ZNF841: variants seen among roughly 807,000 people sequenced by gnomAD.
ZNF841 encodes TCONS_00006091.
ZNF841 carries 11 observed loss-of-function variants against 13.0 expected under a neutral mutation model. That is an observed-to-expected ratio of 0.85 (90% CI 0.53 to 1.40). The LOEUF (loss-of-function observed/expected upper bound fraction) is 1.40. Among genes scored for constraint, ZNF841 ranks in the 40% most tolerant of loss-of-function variants. ZNF841 has a pLI of 0.00. For synonymous variants in ZNF841, 369 were observed against 381.6 expected (o/e 0.97, Z 0.38); for missense variants, 1,068 against 1,139.5 (o/e 0.94, Z 0.90).
intron 4 of ZNF841, among the ~76,000 whole-genome samples, chr19:52,082,586 C>A (rs2088135835): frequency 6.6e-6 from 1 of 152,092 alleles, no homozygotes; most frequent in South Asian, 2.1e-4. Context: ...TTGTGGTATA[C>A]CATCCTAAAA....
intron 6 of ZNF841, 52 bp downstream of exon 6, chr19:52,075,992 T>TA (rs2087886057): frequency 6.5e-7 from 1 of 1,546,714 alleles, no homozygotes; most frequent in Non-Finnish European, 8.7e-7. Context: ...TGCAGAGTCT[T>TA]ACGCACACAA....
chr19:52,060,316 G>A (rs186771469), downstream of ZNF841, among the ~76,000 whole-genome samples: 347 of 152,230 alleles, frequency 2.3e-3, no homozygotes, highest in African/African-American at 8.2e-3. Flanking sequence ...TACATACAGG[G>A]AAATCTTCCT....
chr19:52,072,150 T>C (rs1156734224), intron 6 of ZNF841, among the ~76,000 whole-genome samples: 4 of 152,150 alleles, frequency 2.6e-5, no homozygotes, highest in East Asian at 1.9e-4. Context: ...TAGGAGGATA[T>C]AACAATATGT....
Position 52,067,389 on chromosome 19 carries a change from C to A in ZNF841, c.493G>T (p.Gly165Cys). The part of the protein sequence containing the change: ...GPMTHKNNLT[G>C]QRVRHSQGDV... ...CCTTGACTATGTCGAACTCTTTGACCAGTAAGATTGTTTTTATGGGTCATC... is the reference window on the plus strand; with the variant it reads ...CCTTGACTATGTCGAACTCTTTGACAAGTAAGATTGTTTTTATGGGTCATC... The change falls in exon 7 of 7, where the codon GGT becomes TGT. Residue 165 changes from glycine to cysteine, a missense_variant. By Grantham distance (159) the Gly-to-Cys change is radical (BLOSUM62 -3). Coordinates refer to ENST00000594440, the MANE Select transcript of ZNF841 (RefSeq NM_001136499.2). The A allele has an allele frequency of 6.5e-7, 1 of 1,546,404 alleles. No individual in the cohort carries two copies. Among genetic ancestry groups the A allele is most frequent in the Non-Finnish European group, 8.7e-7 (1 of 1,144,992 alleles).
In ZNF841 at chr19:52,066,634, G is replaced by C; in HGVS notation, c.1248C>G (p.Leu416=). Residue 416 remains leucine (L), a synonymous_variant, in exon 7 of 7, where the codon CTC becomes CTG. Coordinates refer to ENST00000594440, the MANE Select transcript of ZNF841 (RefSeq NM_001136499.2). ...CGKTFKRNSS[L]TAHHIIHAGK... is the part of the protein sequence containing the mutation. ...CTGCATGGATTATATGATGTGCAGT[G>C]AGGCTTGAGTTCCGTTTAAAGGTTT... 6.2e-7 allele frequency: 1 copy of C among 1,613,142 alleles called. No individual in the cohort carries two copies. The highest frequency in any genetic ancestry group is 8.5e-7 in the Non-Finnish European group (1 of 1,179,634).
At chr19:52,085,585 C>T (rs2088244955) in intron 3 of ZNF841, among the ~76,000 whole-genome samples, 1 of 152,102 alleles carries the variant, frequency 6.6e-6, no homozygotes, top group African/African-American at 2.4e-5. Context: ...GGGTGAGGCA[C>T]AGAAGTCCCA....
chr19:52,094,499 GCT>G (rs771549032), intron 1 of ZNF841, among the ~76,000 whole-genome samples: 12 of 151,778 alleles, frequency 7.9e-5, no homozygotes, highest in Admixed American at 2.0e-4. Context: ...ACCTCTCGTA[GCT>G]CTTTCTCCCC....
At chr19:52,073,016 T>A (rs2087784710) in intron 6 of ZNF841, among the ~76,000 whole-genome samples, 1 of 151,684 alleles carries the variant, frequency 6.6e-6, no homozygotes, top group African/African-American at 2.4e-5. Flanking sequence ...ACAGAAGATA[T>A]CCAATGGAAC....
At chr19:52,074,993 T>G (rs1459170535) in intron 6 of ZNF841, among the ~76,000 whole-genome samples, 1 of 152,216 alleles carries the variant, frequency 6.6e-6, no homozygotes, top group Non-Finnish European at 1.5e-5. Context: ...CTACTCTGGC[T>G]TTAATAGTTA....
In ZNF841 at chr19:52,065,118, T is replaced by A. The variant is rs758182536; in HGVS notation, c.2764A>T (p.Ile922Phe). ...TGAGTAAGTATAAATTATTTGGGGA[T>A]CCCAGAGGTTAGGACAACATCTAAC... is the stretch of plus-strand genomic sequence containing the variant. ...RPLDVVLTSG[I>F]PK Residue 922 changes from isoleucine to phenylalanine, a missense_variant, in exon 7 of 7, where the codon ATC becomes TTC. By Grantham distance (21) the Ile-to-Phe change is conservative. Coordinates refer to ENST00000594440, the MANE Select transcript of ZNF841 (RefSeq NM_001136499.2). 3 of 1,522,380 alleles carry A rather than the reference T, an allele frequency of 2.0e-6. No homozygotes were observed. In the Admixed American group the frequency reaches 6.9e-5, roughly 35 times the overall value. 94.3% of individuals were successfully genotyped at this position (1,522,380 alleles called of 1,614,324 possible).
intron 6 of ZNF841, among the ~76,000 whole-genome samples, chr19:52,068,393 T>G (rs1011019645): frequency 6.6e-6 from 1 of 151,952 alleles, no homozygotes; most frequent in Non-Finnish European, 1.5e-5. Flanking sequence ...TGGGGACAGG[T>G]CAGCCGGGCA....
chr19:52,072,503 GAT>G lies in ZNF841; in HGVS notation c.271+3539_271+3540del, dbSNP rs1568539762. On this transcript the variant is annotated intron_variant, in intron 6 of 6. Transcript: ENST00000594440. ...CCCATCATAATAAAATAAAACTAGA[GAT>G]CAACAGCAGAAGAAAATTAGATTAT... Among the ~76,000 whole-genome samples the G allele has an allele frequency of 3.3e-5, 5 of 152,118 alleles. No homozygotes were observed. In the South Asian group the frequency reaches 8.3e-4, roughly 25 times the overall value.
chr19:52,076,388 C>T lies in ZNF841; in HGVS notation c.143-216G>A, dbSNP rs538694905. On this transcript the variant is annotated intron_variant, in intron 5 of 6. Transcript: ENST00000594440. Reference sequence around the variant, plus strand: ...ATCAAAAACACAGGGATAGGCCAAGCATACTGGCTCAAGCCTGTAATCTCA... The same window carrying T: ...ATCAAAAACACAGGGATAGGCCAAGTATACTGGCTCAAGCCTGTAATCTCA... 7.9e-5 allele frequency: 40 copies of T among 509,246 alleles called. No homozygotes were observed. In the South Asian group the frequency reaches 9.3e-4, roughly 12 times the overall value. 31.5% of individuals were successfully genotyped at this position (509,246 alleles called of 1,614,324 possible). A position where few individuals can be genotyped will look rare whatever the true frequency, so the allele number is the denominator to read the frequency against.
At chr19:52,074,656 A>G (rs1041524289) in intron 6 of ZNF841, among the ~76,000 whole-genome samples, 1 of 152,198 alleles carries the variant, frequency 6.6e-6, no homozygotes, top group Non-Finnish European at 1.5e-5. Flanking sequence ...AGCTGGGATT[A>G]CAGGTGCCTG....
chr19:52,073,457 C>A (rs1243285477), intron 6 of ZNF841, among the ~76,000 whole-genome samples: 1 of 152,076 alleles, frequency 6.6e-6, no homozygotes, highest in African/African-American at 2.4e-5. Context: ...TGCCACCACA[C>A]CCGGCTAATT....
rs1239709701 is a variant in ZNF841, at chr19:52,067,317, G to T, written c.565C>A (p.Gln189Lys). The T allele has an allele frequency of 6.4e-7, 1 of 1,551,642 alleles. No individual in the cohort carries two copies. The highest frequency in any genetic ancestry group is 1.2e-5 in the South Asian group (1 of 83,904). ...TTCTGCAATTCACCCAGACCGGACTGAAACCTTAATATAAGCTGATTTTCC... is the reference window on the plus strand; with the variant it reads ...TTCTGCAATTCACCCAGACCGGACTTAAACCTTAATATAAGCTGATTTTCC... ...HMENQLILRF[Q>K]SGLGELQKFQ... Residue 189 changes from glutamine (Q) to lysine (K), a missense_variant, in exon 7 of 7, where the codon CAG becomes AAG. Coordinates refer to ENST00000594440, the MANE Select transcript of ZNF841 (RefSeq NM_001136499.2).
Position 52,065,612 on chromosome 19 carries a change from C to G in ZNF841, c.2270G>C (p.Arg757Thr). The G allele has an allele frequency of 6.2e-7, 1 of 1,612,670 alleles. No individual in the cohort carries two copies. Among genetic ancestry groups the G allele is most frequent in the East Asian group, 2.2e-5 (1 of 44,826 alleles). The change falls in exon 7 of 7, where the codon AGA becomes ACA. Residue 757 changes from arginine to threonine, a missense_variant. Coordinates refer to ENST00000594440, the MANE Select transcript of ZNF841 (RefSeq NM_001136499.2). ...NSTTTLARHR[R>T]IHTGEKPYKC... ...GTAAGGTTTCTCTCCAGTATGAATT[C>G]TCCGATGCCTTGCCAGGGTTGTAGT...
intron 6 of ZNF841, among the ~76,000 whole-genome samples, chr19:52,067,871 T>C (rs1481071501): frequency 6.6e-6 from 1 of 152,098 alleles, no homozygotes; most frequent in African/African-American, 2.4e-5. Flanking sequence ...TGCAAACATA[T>C]ATGAGCACCA....
At position 52,077,038 on chromosome 19, in the gene ZNF841, T is replaced by A; in HGVS notation, c.62A>T (p.Glu21Val). The A allele has an allele frequency of 6.2e-7, 1 of 1,613,012 alleles. No individual in the cohort carries two copies. Among genetic ancestry groups the A allele is most frequent in the Non-Finnish European group, 8.5e-7 (1 of 1,179,402 alleles). ...CTGAACAGGGTCCAGGCATTTCCAC[T>A]CCTCCTGAGAGAATTCTACAGCCAC... ...RDVAVEFSQE[E>V]WKCLDPVQKA... The change falls in exon 5 of 7, where the codon GAG (glutamate) becomes GTG (valine). Residue 21 changes from glutamate (E) to valine (V), a missense_variant. Transcript: ENST00000594440.
Sources: allele counts gnomAD v4.1 joint callset (sites outside exome capture counted in the v4.1 genomes callset), GRCh38; gene constraint gnomAD v4.1.1; transcripts MANE v1.5; gene names NCBI Gene and HGNC (gene_info 2026-07-23, HGNC 2026-07-21).